Variants in SLC43A1 observed in about 807,000 individuals in gnomAD.
SLC43A1 encodes the protein solute carrier family 43 member 1.
A neutral mutation model predicts 59.5 loss-of-function variants in SLC43A1; 31 were observed. That is an observed-to-expected ratio of 0.52 (90% CI 0.39 to 0.70). The LOEUF is 0.70. Among genes scored for constraint, SLC43A1 ranks in the 30% least tolerant of loss-of-function variants. The pLI, the probability that SLC43A1 is intolerant of heterozygous loss-of-function variation, is 0.00. For synonymous variants in SLC43A1, 259 were observed against 290.9 expected (o/e 0.89, Z 1.12); for missense variants, 598 against 717.8 (o/e 0.83, Z 1.91).
At chr11:57,510,809 T>G in intron 2 of SLC43A1, among the ~76,000 whole-genome samples, 1 of 151,298 alleles carries the variant, frequency 6.6e-6, no homozygotes, top group Non-Finnish European at 1.5e-5. Context: ...CTGGACAACA[T>G]GGTGAAACCC....
intron 5 of SLC43A1, among the ~76,000 whole-genome samples, chr11:57,498,259 G>A (rs1208138600): frequency 6.6e-6 from 1 of 152,090 alleles, no homozygotes; most frequent in Non-Finnish European, 1.5e-5. Context: ...TGGACAACAT[G>A]GTGAAACCCC....
At chr11:57,500,583 C>G (rs1359743929) in intron 5 of SLC43A1, among the ~76,000 whole-genome samples, 196 bp downstream of exon 5, 2 of 152,172 alleles carry the variant, frequency 1.3e-5, no homozygotes, top group Non-Finnish European at 2.9e-5. Context: ...CCCCGACACA[C>G]AGCCTCATCC....
intron 8 of SLC43A1, 120 bp from the exon 9 acceptor site, chr11:57,491,982 T>C (rs764285951): frequency 4.2e-5 from 41 of 983,898 alleles, no homozygotes; most frequent in Non-Finnish European, 5.6e-5. Flanking sequence ...GAGAGACTGG[T>C]TTCTTCAAAG....
intron 2 of SLC43A1, among the ~76,000 whole-genome samples, chr11:57,508,296 AAGAT>A (rs1300199919): frequency 6.6e-6 from 1 of 152,008 alleles, no homozygotes; most frequent in Non-Finnish European, 1.5e-5. Context: ...AAAAGAAAGA[AAGAT>A]AGAAAGAAAA....
chr11:57,512,258 A>G (rs1944566647), intron 2 of SLC43A1, among the ~76,000 whole-genome samples: 1 of 152,132 alleles, frequency 6.6e-6, no homozygotes, highest in African/African-American at 2.4e-5. Context: ...GATTTTAAAG[A>G]AACACCACCA....
chr11:57,489,146 G>T, intron 12 of SLC43A1, 105 bp downstream of exon 12: 1 of 1,485,068 alleles, frequency 6.7e-7, no homozygotes, highest in African/African-American at 1.4e-5. Context: ...AATAGATCCA[G>T]ATCAGAAGAC....
chr11:57,503,710 C>A (rs1470087144), intron 2 of SLC43A1, among the ~76,000 whole-genome samples: 1 of 152,116 alleles, frequency 6.6e-6, no homozygotes, highest in African/African-American at 2.4e-5. Context: ...TGGGACAATG[C>A]GTAAAGCAAG....
chr11:57,494,038 T>A lies in SLC43A1; in HGVS notation c.826A>T (p.Met276Leu), dbSNP rs771754220. ...PSLEDGSDAF[M>L]SPQDVRGTSE... is the part of the protein sequence containing the mutation. ...GTGCCCCGAACATCCTGGGGTGACA[T>A]GAAGGCATCCGAACCGTCCTCCAGG... The change falls in exon 8 of 15, where the codon ATG becomes TTG. Residue 276 changes from methionine (M) to leucine (L), a missense_variant. Met to Leu is a conservative substitution (Grantham distance 15). Transcript: ENST00000278426. 6.2e-7 allele frequency: 1 copy of A among 1,608,312 alleles called. No homozygotes were observed. Among genetic ancestry groups the A allele is most frequent in the Admixed American group, 1.7e-5 (1 of 58,806 alleles).
At position 57,501,784 on chromosome 11, in the gene SLC43A1, A is replaced by G. The variant is rs576810489; in HGVS notation, c.155-455T>C. The stretch of plus-strand genomic sequence containing the variant: ...GGAGGCTGAGACAGGCAGATCGCTT[A>G]AGCCTACAAGTTTGAGACCAGCCTG... On this transcript the variant is annotated intron_variant, in intron 2 of 14. Transcript: ENST00000278426. 1.4e-3 allele frequency among the ~76,000 whole-genome samples: 218 copies of G among 152,318 alleles called. 1 individual carries two copies. Among genetic ancestry groups the G allele is most frequent in the African/African-American group, 4.8e-3 (201 of 41,560 alleles).
At chr11:57,489,124 G>C (rs974169000) in intron 12 of SLC43A1, 127 bp downstream of exon 12, 1 of 1,450,656 alleles carries the variant, frequency 6.9e-7, no homozygotes. Flanking sequence ...ACACTTCCTG[G>C]AGAACCCGGA....
intron 7 of SLC43A1, among the ~76,000 whole-genome samples, chr11:57,495,459 AAAAT>A (rs963424779): frequency 6.6e-6 from 1 of 152,130 alleles, no homozygotes. Flanking sequence ...CTCTGTCTCA[AAAAT>A]AAATAAATAA....
At position 57,488,901 on chromosome 11, in the gene SLC43A1, G is replaced by A. The variant is rs376477109; in HGVS notation, c.1409+15C>T. The A allele has an allele frequency of 2.8e-5, 45 of 1,610,584 alleles. No homozygotes were observed. Among genetic ancestry groups the A allele is most frequent in the Non-Finnish European group, 3.7e-5 (44 of 1,176,838 alleles). On this transcript the variant is annotated intron_variant, in intron 13 of 14. Transcript: ENST00000278426. Reference sequence around the variant, plus strand: ...TTGCAAAGCTCAGGAAGGCATTTCAGCCCAACAGACTCACACTGCAGCATA... The same window carrying A: ...TTGCAAAGCTCAGGAAGGCATTTCAACCCAACAGACTCACACTGCAGCATA...
chr11:57,515,072 A>C lies in SLC43A1; in HGVS notation c.-14+372T>G. 1 of 985,276 alleles carries C rather than the reference A, an allele frequency of 1.0e-6. No individual in the cohort carries two copies. 61.0% of individuals were successfully genotyped at this position (985,276 alleles called of 1,614,324 possible). On this transcript the variant is annotated intron_variant, in intron 1 of 14. Transcript: ENST00000278426. This position sits in a 1 kb window ranked among gnomAD's most constrained non-coding sequence, Gnocchi z 5.3. ...GGAAAGCGGAGAGGAGAAGGGCAAGAAAGACCCAGAGAGAGGGGAGGAAGT... is the reference window on the plus strand; with the variant it reads ...GGAAAGCGGAGAGGAGAAGGGCAAGCAAGACCCAGAGAGAGGGGAGGAAGT...
chr11:57,492,776 T>C, intron 8 of SLC43A1, among the ~76,000 whole-genome samples: 1 of 137,130 alleles, frequency 7.3e-6, no homozygotes. Flanking sequence ...GCACGGTGGC[T>C]CACACTTGTA....
rs1462187290 is a variant in SLC43A1 at position 57,487,235 on chromosome 11, G to C, written c.1410-17C>G. 2 of 1,610,332 alleles carry C rather than the reference G, an allele frequency of 1.2e-6. No individual in the cohort carries two copies. Among genetic ancestry groups the C allele is most frequent in the Admixed American group, 3.3e-5 (2 of 59,978 alleles). On this transcript the variant is annotated splice_polypyrimidine_tract_variant and intron_variant, in intron 13 of 14. Coordinates refer to ENST00000278426, the MANE Select transcript of SLC43A1 (RefSeq NM_003627.6). ...GATGGGAACCTGTCCACGAGACGGG[G>C]AGTATCAGGGGTGTGTGGCCCTCTC...
chr11:57,489,464 T>A, intron 11 of SLC43A1, 72 bp from the exon 12 acceptor site: 1 of 1,556,754 alleles, frequency 6.4e-7, no homozygotes, highest in East Asian at 2.3e-5. Context: ...GCCTGGCCCC[T>A]CCCCCTTCAG....
At chr11:57,493,876 T>C in intron 8 of SLC43A1, 117 bp downstream of exon 8, 2 of 939,228 alleles carry the variant, frequency 2.1e-6, no homozygotes, top group East Asian at 3.0e-5. Context: ...ACCTACATCA[T>C]GGGGTGTTGT....
Position 57,484,757 on chromosome 11 carries a change from G to A in SLC43A1, c.*339C>T, listed in dbSNP as rs548450481. 1 of 215,556 alleles carries A rather than the reference G, an allele frequency of 4.6e-6. No individual in the cohort carries two copies. Among genetic ancestry groups the A allele is most frequent in the Non-Finnish European group, 9.4e-6 (1 of 106,464 alleles). The allele number at this position is 215,556 out of a possible 1,614,324, so 13.4% of individuals were successfully genotyped here. On this transcript the variant is annotated 3_prime_UTR_variant, in exon 15 of 15. Transcript: ENST00000278426. ...CACTCATGGCACATGGGACCTCAGG[G>A]GTAGCCTGTTTGCCGATCCCCCCAA...
chr11:57,502,190 G>A (rs1053395474), intron 2 of SLC43A1, among the ~76,000 whole-genome samples: 3 of 152,224 alleles, frequency 2.0e-5, no homozygotes, highest in African/African-American at 7.2e-5. Flanking sequence ...TGAGTCATGA[G>A]GTGGCTGCCC....
Sources: allele counts gnomAD v4.1 joint callset (sites outside exome capture counted in the v4.1 genomes callset), GRCh38; gene constraint gnomAD v4.1.1; non-coding constraint Gnocchi (gnomAD v3.1); transcripts MANE v1.5; gene names NCBI Gene and HGNC (gene_info 2026-07-23, HGNC 2026-07-21).